Variants in CDC123 observed in about 807,000 individuals in gnomAD.
CDC123 encodes the protein cell division cycle 123.
A neutral mutation model predicts 54.4 loss-of-function variants in CDC123; 37 were observed. The ratio of observed to expected loss-of-function variants is 0.68; its 90% CI spans 0.52 to 0.89. The LOEUF is 0.89. Among genes scored for constraint, CDC123 ranks in the 40% least tolerant of loss-of-function variants. The pLI is 0.00. For missense variants in CDC123, 361 were observed against 412.1 expected (o/e 0.88, Z 1.07); for synonymous variants, 144 against 136.8 (o/e 1.05, Z -0.37).
At chr10:12,238,791 G>T (rs1309576874) in intron 10 of CDC123, among the ~76,000 whole-genome samples, 1 of 152,044 alleles carries the variant, frequency 6.6e-6, no homozygotes, top group Non-Finnish European at 1.5e-5. Flanking sequence ...AGGCCGAGGT[G>T]GGAGGATCAC....
At chr10:12,230,856 A>G in intron 6 of CDC123, 92 bp from the exon 7 acceptor site, 1 of 1,198,742 alleles carries the variant, frequency 8.3e-7, no homozygotes, top group Non-Finnish European at 1.2e-6. Context: ...TTTTAGTAAA[A>G]CGTTACTCTC....
intron 6 of CDC123, among the ~76,000 whole-genome samples, chr10:12,226,218 C>T (rs900733176): frequency 1.3e-5 from 2 of 152,240 alleles, no homozygotes; most frequent in Admixed American, 6.5e-5. Flanking sequence ...ACTTCCCCCC[C>T]TTCCACTCAA....
intron 7 of CDC123, among the ~76,000 whole-genome samples, 175 bp downstream of exon 7, chr10:12,231,171 G>C (rs1411492451): frequency 6.6e-6 from 1 of 152,080 alleles, no homozygotes; most frequent in Non-Finnish European, 1.5e-5. Flanking sequence ...ATTATATATA[G>C]AGTGTATATA....
intron 6 of CDC123, among the ~76,000 whole-genome samples, chr10:12,221,823 A>G (rs1210351743): frequency 4.0e-5 from 6 of 150,704 alleles, no homozygotes; most frequent in African/African-American, 1.2e-4. Flanking sequence ...CTCATCAGCT[A>G]TCATTAGTGT....
Position 12,230,982 on chromosome 10 carries a change from T to G in CDC123, c.475T>G (p.Cys159Gly), listed in dbSNP as rs1835895339. ...TTGTACTGATGATTCTCCAGATCCATGTATAGAATATGAGGTAAGAAGCTT... is the reference window on the plus strand; with the variant it reads ...TTGTACTGATGATTCTCCAGATCCAGGTATAGAATATGAGGTAAGAAGCTT... ...IHCTDDSPDP[C>G]IEYELVLRKW... is the part of the protein sequence containing the mutation. Residue 159 changes from cysteine (C) to glycine (G), a missense_variant, in exon 7 of 13, where the codon TGT becomes GGT. Coordinates refer to ENST00000281141, the MANE Select transcript of CDC123 (RefSeq NM_006023.3). 6.2e-7 allele frequency: 1 copy of G among 1,611,094 alleles called. No homozygotes were observed. The highest frequency in any genetic ancestry group is 1.1e-5 in the South Asian group (1 of 90,266).
intron 6 of CDC123, among the ~76,000 whole-genome samples, chr10:12,222,027 G>T (rs1221293211): frequency 6.6e-6 from 1 of 152,196 alleles, no homozygotes; most frequent in Non-Finnish European, 1.5e-5. Context: ...GGCCTAAGCA[G>T]ATCATTTCTA....
intron 2 of CDC123, among the ~76,000 whole-genome samples, chr10:12,201,323 A>T (rs1378092175): frequency 2.6e-5 from 4 of 152,240 alleles, no homozygotes; most frequent in African/African-American, 9.6e-5. Flanking sequence ...AAGAGAATAT[A>T]TAATGAAAAT....
intron 10 of CDC123, among the ~76,000 whole-genome samples, chr10:12,242,201 A>G (rs560652291): frequency 6.6e-6 from 1 of 152,264 alleles, no homozygotes; most frequent in South Asian, 2.1e-4. Flanking sequence ...GTTCTTGTTA[A>G]GTGGTCCGCT....
chr10:12,196,443 A>C (rs1356316323), intron 1 of CDC123, 124 bp downstream of exon 1: 6 of 1,262,816 alleles, frequency 4.8e-6, no homozygotes, highest in South Asian at 1.3e-5. Flanking sequence ...GTGTGTCGAG[A>C]GGGAAGTACA....
intron 6 of CDC123, among the ~76,000 whole-genome samples, chr10:12,220,994 A>G (rs1468250406): frequency 6.6e-6 from 1 of 151,472 alleles, no homozygotes; most frequent in Non-Finnish European, 1.5e-5. Flanking sequence ...AAAAAAAGTT[A>G]TAGATTCATT....
intron 10 of CDC123, among the ~76,000 whole-genome samples, chr10:12,242,031 G>T (rs1291961254): frequency 6.6e-6 from 1 of 152,084 alleles, no homozygotes; most frequent in African/African-American, 2.4e-5. Context: ...CTTTTAAACG[G>T]CTTGTCGTAG....
intron 4 of CDC123, among the ~76,000 whole-genome samples, chr10:12,212,501 C>A (rs1416889198): frequency 6.6e-6 from 1 of 152,162 alleles, no homozygotes; most frequent in African/African-American, 2.4e-5. Flanking sequence ...GAAAATGCTC[C>A]AAATTCCAAA....
intron 4 of CDC123, among the ~76,000 whole-genome samples, 173 bp from the exon 5 acceptor site, chr10:12,215,567 G>A (rs1835651481): frequency 6.6e-6 from 1 of 152,088 alleles, no homozygotes; most frequent in Admixed American, 6.5e-5. Flanking sequence ...TCTCTTTTTG[G>A]TAAATGTACT....
In CDC123 at chr10:12,237,374, G is replaced by T. The variant is rs919348959; in HGVS notation, c.688+108G>T. ...ATAACTAGATTTGAAATACTGTATT[G>T]TAAGCATTTTACTATATTATTATTT... is the stretch of plus-strand genomic sequence containing the variant. On this transcript the variant is annotated intron_variant, in intron 9 of 12. Transcript: ENST00000281141. 1.3e-5 allele frequency: 11 copies of T among 852,964 alleles called. No individual in the cohort carries two copies. In the African/African-American group the frequency reaches 1.8e-4, roughly 14 times the overall value. The allele number at this position is 852,964 out of a possible 1,614,324, so 52.8% of individuals were successfully genotyped here. A position where few individuals can be genotyped will look rare whatever the true frequency, so the allele number is the denominator to read the frequency against.
At chr10:12,207,202 T>C (rs926372569) in intron 2 of CDC123, among the ~76,000 whole-genome samples, 1 of 152,122 alleles carries the variant, frequency 6.6e-6, no homozygotes, top group African/African-American at 2.4e-5. Context: ...AATTTTATTA[T>C]TTCTTCTCTA....
rs772114747 is a variant in CDC123 at position 12,198,694 on chromosome 10, T to C, written c.75-11T>C. ...TTTAAAATGATGCCTTTTTTGGTGTTTTTTTTTTAGTGTCATTCTTCCACT... is the reference window on the plus strand; with the variant it reads ...TTTAAAATGATGCCTTTTTTGGTGTCTTTTTTTTAGTGTCATTCTTCCACT... On this transcript the variant is annotated splice_polypyrimidine_tract_variant and intron_variant, in intron 1 of 12. Coordinates refer to ENST00000281141, the MANE Select transcript of CDC123 (RefSeq NM_006023.3). 2 of 1,483,498 alleles carry C rather than the reference T, an allele frequency of 1.3e-6. No homozygotes were observed. The highest frequency in any genetic ancestry group is 2.4e-5 in the South Asian group (2 of 82,404). 91.9% of individuals were successfully genotyped at this position (1,483,498 alleles called of 1,614,324 possible).
chr10:12,221,927 C>T lies in CDC123; in HGVS notation c.440+4460C>T, dbSNP rs1225415987. ...ACACCCCTGGTTAGACCAAGGTTCT[C>T]GACACAAGCATGCGTCAGGGTTATC... On this transcript the variant is annotated intron_variant, in intron 6 of 12. Coordinates refer to ENST00000281141, the MANE Select transcript of CDC123 (RefSeq NM_006023.3). Among the ~76,000 whole-genome samples the T allele has an allele frequency of 4.6e-5, 7 of 152,234 alleles. No individual in the cohort carries two copies. In the East Asian group the frequency reaches 1.2e-3, roughly 25 times the overall value.
chr10:12,201,517 G>A lies in CDC123; in HGVS notation c.146+2741G>A, dbSNP rs74659562. 9.1e-3 allele frequency among the ~76,000 whole-genome samples: 1,391 copies of A among 152,278 alleles called. 9 individuals are homozygous for A. Among genetic ancestry groups the A allele is most frequent in the Non-Finnish European group, 0.015 (1,016 of 68,010 alleles). On this transcript the variant is annotated intron_variant, in intron 2 of 12. Transcript: ENST00000281141. ...AAGAATCTTCCAGGTGGGGGGAACA[G>A]CATTAATGAAGGCTCTAGGCCTGGA...
chr10:12,196,189 G>A lies in CDC123; in HGVS notation c.-57G>A. ...CGGGCACTTCCGGGGCCGGCGCCCA[G>A]AGTTCCGGGAGGGTGCAGGCAGGAG... is the stretch of plus-strand genomic sequence containing the variant. On this transcript the variant is annotated 5_prime_UTR_variant, in exon 1 of 13. Transcript: ENST00000281141. 6.2e-7 allele frequency: 1 copy of A among 1,612,422 alleles called. No homozygotes were observed. The highest frequency in any genetic ancestry group is 1.3e-5 in the African/African-American group (1 of 74,990).
Sources: allele counts gnomAD v4.1 joint callset (sites outside exome capture counted in the v4.1 genomes callset), GRCh38; gene constraint gnomAD v4.1.1; transcripts MANE v1.5; gene names NCBI Gene and HGNC (gene_info 2026-07-23, HGNC 2026-07-21).